Variants in TESK2 observed in about 807,000 individuals in gnomAD.
TESK2 encodes testis associated actin remodelling kinase 2.
TESK2 carries 39 observed loss-of-function variants against 57.1 expected under a neutral mutation model. The observed-to-expected ratio is 0.68, with a 90% CI of 0.53 to 0.89. TESK2 has a LOEUF of 0.89. TESK2 is among the 40% of genes least tolerant of loss of function. TESK2 has a pLI of 0.00. For missense variants in TESK2, 646 were observed against 732.1 expected, an observed-to-expected ratio of 0.88 and a Z score of 1.36; for synonymous variants, 249 against 267.9, an observed-to-expected ratio of 0.93 and a Z score of 0.69.
rs143158521 is a variant in TESK2, at chr1:45,373,917, G to T, written c.393+11995C>A. On this transcript the variant is annotated intron_variant, in intron 4 of 10. Coordinates refer to ENST00000372086, the MANE Select transcript of TESK2 (RefSeq NM_007170.3). ...GGAACAGCTCCCAGGAGCCAACATA[G>T]AACCAACTCCTGGGAATGATACCAC... Among the ~76,000 whole-genome samples the T allele has an allele frequency of 6.4e-3, 976 of 152,250 alleles. 5 individuals are homozygous for T. Among genetic ancestry groups the T allele is most frequent in the African/African-American group, 0.023 (940 of 41,538 alleles).
At chr1:45,398,997 A>AAAC in intron 3 of TESK2, 1 of 434,226 alleles carries the variant, frequency 2.3e-6, no homozygotes, top group African/African-American at 2.1e-5. Flanking sequence ...AAAAAAAAAA[A>AAAC]AAAAAAAAAA....
At chr1:45,477,168 G>C (rs1653032392) in intron 1 of TESK2, among the ~76,000 whole-genome samples, 1 of 151,624 alleles carries the variant, frequency 6.6e-6, no homozygotes, top group Non-Finnish European at 1.5e-5. Flanking sequence ...AGAAGGCAGA[G>C]GTTGCGGTGA....
chr1:45,386,888 G>A (rs1648923526), intron 3 of TESK2, among the ~76,000 whole-genome samples: 1 of 152,106 alleles, frequency 6.6e-6, no homozygotes, highest in East Asian at 1.9e-4. Context: ...TCTTGACCTT[G>A]TGATCCACCC....
chr1:45,390,921 C>CT (rs776953314), intron 3 of TESK2, among the ~76,000 whole-genome samples: 2,245 of 129,042 alleles, frequency 0.017, 43 homozygotes, highest in Admixed American at 0.058. Flanking sequence ...AGCTACATTT[C>CT]TTTTTTTTTT....
intron 2 of TESK2, among the ~76,000 whole-genome samples, chr1:45,455,245 C>T (rs1352223440): frequency 1.3e-5 from 2 of 152,180 alleles, no homozygotes; most frequent in African/African-American, 2.4e-5. Context: ...AATCATAAGG[C>T]TTTTGTTTAA....
At chr1:45,416,017 C>A (rs1451677540) in intron 3 of TESK2, among the ~76,000 whole-genome samples, 4 of 137,164 alleles carry the variant, frequency 2.9e-5, no homozygotes, top group African/African-American at 8.1e-5. Flanking sequence ...CCAGATAATT[C>A]TTCTTCCAAT....
chr1:45,389,352 G>T (rs1402636552), intron 3 of TESK2, among the ~76,000 whole-genome samples: 2 of 152,134 alleles, frequency 1.3e-5, no homozygotes, highest in African/African-American at 2.4e-5. Context: ...AGTTGAGGCT[G>T]CAGTGAGCTG....
intron 3 of TESK2, among the ~76,000 whole-genome samples, chr1:45,398,070 G>C (rs1222457770): frequency 6.6e-6 from 1 of 151,918 alleles, no homozygotes; most frequent in African/African-American, 2.4e-5. Flanking sequence ...ATCTCACCTG[G>C]CTAATTTTTT....
intron 3 of TESK2, among the ~76,000 whole-genome samples, chr1:45,407,102 T>A (rs1217215698): frequency 1.3e-5 from 2 of 152,176 alleles, no homozygotes; most frequent in East Asian, 3.8e-4. Context: ...TATTATTTTT[T>A]AGAGACAGGG....
At chr1:45,383,773 G>A (rs1403668939) in intron 4 of TESK2, among the ~76,000 whole-genome samples, 1 of 152,142 alleles carries the variant, frequency 6.6e-6, no homozygotes, top group Non-Finnish European at 1.5e-5. Flanking sequence ...ACAGAAGGAA[G>A]GGGAGAATTT....
At chr1:45,477,174 G>A (rs576823618) in intron 1 of TESK2, among the ~76,000 whole-genome samples, 9 of 149,910 alleles carry the variant, frequency 6.0e-5, no homozygotes, top group East Asian at 6.0e-4. Flanking sequence ...CAGAGGTTGC[G>A]GTGAGCTGAA....
In TESK2 at chr1:45,385,905, GTCTTACC is replaced by G; in HGVS notation, c.393_393+6del. On this transcript the variant is annotated splice_donor_variant and splice_donor_5th_base_variant and coding_sequence_variant and intron_variant, in exon 4 of 11. Transcript: ENST00000372086. LOFTEE classifies it high-confidence loss of function. ...ATACGTTACTTCAACACTTACTGAT[GTCTTACC>G]TCTGTAAGTGCATGCAATTGTCCTT... 1 of 1,600,312 alleles carries G rather than the reference GTCTTACC, an allele frequency of 6.2e-7. No homozygotes were observed. The highest frequency in any genetic ancestry group is 8.5e-7 in the Non-Finnish European group (1 of 1,170,790).
chr1:45,353,727 T>C (rs1340568059), intron 5 of TESK2, among the ~76,000 whole-genome samples: 1 of 152,224 alleles, frequency 6.6e-6, no homozygotes, highest in Admixed American at 6.5e-5. Context: ...ATATGTTAGA[T>C]TGCCTTATAG....
At chr1:45,355,821 A>C (rs541361034) in intron 4 of TESK2, among the ~76,000 whole-genome samples, 9 of 152,356 alleles carry the variant, frequency 5.9e-5, no homozygotes, top group African/African-American at 2.2e-4. Flanking sequence ...AGTAGCACGA[A>C]AGACACAGAG....
chr1:45,398,726 C>A (rs1447952153), intron 3 of TESK2: 1 of 234,822 alleles, frequency 4.3e-6, no homozygotes, highest in South Asian at 5.6e-5. Flanking sequence ...CCCCTTTCCT[C>A]CTGAAGTAGA....
chr1:45,483,235 C>A (rs558189027), intron 1 of TESK2, among the ~76,000 whole-genome samples: 8 of 150,490 alleles, frequency 5.3e-5, no homozygotes, highest in Admixed American at 2.0e-4. Context: ...GAGCTGAGAT[C>A]ACACCACTGC....
rs546460510 is a variant in TESK2 at position 45,479,704 on chromosome 1, A to G, written c.-87+11148T>C. 1.7e-3 allele frequency among the ~76,000 whole-genome samples: 264 copies of G among 152,210 alleles called. 2 individuals carry two copies. The highest frequency in any genetic ancestry group is 5.9e-3 in the African/African-American group (243 of 41,536). On this transcript the variant is annotated intron_variant, in intron 1 of 10. Transcript: ENST00000372086. Reference sequence around the variant, plus strand: ...AATAACACCATATTTAATCTGTATAATGATTTACAGTTTACAGTTCACAGA... The same window carrying G: ...AATAACACCATATTTAATCTGTATAGTGATTTACAGTTTACAGTTCACAGA...
chr1:45,467,373 C>T (rs1652595584), intron 1 of TESK2, among the ~76,000 whole-genome samples: 1 of 151,656 alleles, frequency 6.6e-6, no homozygotes. Context: ...AAGATGCAGT[C>T]TCGCTCTGTC....
chr1:45,475,396 G>A (rs949366718), intron 1 of TESK2, among the ~76,000 whole-genome samples: 3 of 151,840 alleles, frequency 2.0e-5, no homozygotes, highest in South Asian at 2.1e-4. Flanking sequence ...TAGTGGAGAC[G>A]GGTTTTCATC....
Sources: allele counts gnomAD v4.1 joint callset (sites outside exome capture counted in the v4.1 genomes callset), GRCh38; gene constraint gnomAD v4.1.1; transcripts MANE v1.5; gene names NCBI Gene and HGNC (gene_info 2026-07-23, HGNC 2026-07-21).